The following TRPM3 variants were observed in gnomAD, a reference collection of about 807,000 sequenced individuals.
TRPM3 encodes transient receptor potential cation channel subfamily M member 3.
Under a neutral mutation model 181.2 loss-of-function variants are expected in TRPM3, and 77 were observed. That is an observed-to-expected ratio of 0.42 (90% CI 0.35 to 0.51). The LOEUF is 0.51. TRPM3 is among the 20% of genes least tolerant of loss of function. TRPM3 has a pLI of 0.01. For missense variants in TRPM3, 1,759 were observed against 2,196.7 expected (o/e 0.80, Z 3.98); for synonymous variants, 745 against 796.4 (o/e 0.94, Z 1.09).
chr9:71,190,375 T>C (rs2077941973), intron 1 of TRPM3, among the ~76,000 whole-genome samples: 1 of 151,936 alleles, frequency 6.6e-6, no homozygotes, highest in Non-Finnish European at 1.5e-5. Flanking sequence ...AATACTAGCC[T>C]TTTTTATATC....
At chr9:70,667,226 G>A (rs1045098405) in intron 9 of TRPM3, among the ~76,000 whole-genome samples, 23 of 152,066 alleles carry the variant, frequency 1.5e-4, no homozygotes, top group African/African-American at 5.3e-4. Context: ...GAGAACATAA[G>A]TGGAAATGAT....
intron 1 of TRPM3, among the ~76,000 whole-genome samples, chr9:71,146,269 C>T (rs997324469): frequency 9.2e-5 from 14 of 152,072 alleles, no homozygotes; most frequent in East Asian, 1.9e-4. Flanking sequence ...TTCGAATCAC[C>T]GTGGTGCCGT....
At chr9:71,106,169 T>C (rs1199519180) in intron 1 of TRPM3, among the ~76,000 whole-genome samples, 3 of 152,198 alleles carry the variant, frequency 2.0e-5, no homozygotes, top group Non-Finnish European at 4.4e-5. Context: ...TGGTATTTAT[T>C]CAGGACACAT....
chr9:70,846,666 T>C (rs1475391838), intron 3 of TRPM3, 75 bp from the exon 4 acceptor site: 5 of 1,245,256 alleles, frequency 4.0e-6, no homozygotes, highest in Non-Finnish European at 4.7e-6. Context: ...CTGATTGCAA[T>C]TATATGTGTA....
chr9:70,546,844 G>C (rs879458862), intron 25 of TRPM3, among the ~76,000 whole-genome samples: 4 of 152,062 alleles, frequency 2.6e-5, no homozygotes, highest in Non-Finnish European at 5.9e-5. Context: ...GATGCATCAG[G>C]GTCATTGCTA....
At chr9:71,176,759 T>A (rs1456236924) in intron 1 of TRPM3, among the ~76,000 whole-genome samples, 3 of 152,146 alleles carry the variant, frequency 2.0e-5, no homozygotes, top group African/African-American at 7.2e-5. Flanking sequence ...ATTTTTAATC[T>A]TGGATACAGG....
intron 1 of TRPM3, among the ~76,000 whole-genome samples, chr9:71,151,571 T>C (rs986335376): frequency 1.4e-3 from 219 of 152,184 alleles, no homozygotes; most frequent in African/African-American, 5.0e-3. Context: ...AAAAAACATG[T>C]TGACCCAAGG....
chr9:71,260,878 C>T (rs561528033), intron 1 of TRPM3, among the ~76,000 whole-genome samples: 1 of 152,170 alleles, frequency 6.6e-6, no homozygotes, highest in African/African-American at 2.4e-5. Context: ...TTATCTCTTT[C>T]TCTTGCCTGA....
intron 1 of TRPM3, among the ~76,000 whole-genome samples, chr9:71,158,058 A>T (rs888952967): frequency 2.6e-5 from 4 of 152,188 alleles, no homozygotes; most frequent in African/African-American, 9.6e-5. Context: ...AATATTGTAC[A>T]GTAAGACATA....
upstream of TRPM3, among the ~76,000 whole-genome samples, chr9:71,124,845 C>T (rs770183418): frequency 8.5e-5 from 13 of 152,132 alleles, no homozygotes; most frequent in Non-Finnish European, 8.8e-5. Flanking sequence ...ACACAGTGAC[C>T]AGGTAGTACA....
chr9:71,405,427 AT>A, intron 1 of TRPM3, among the ~76,000 whole-genome samples: 1 of 152,322 alleles, frequency 6.6e-6, no homozygotes, highest in Non-Finnish European at 1.5e-5. Context: ...TCCAGAAGAT[AT>A]TTTTAATACC....
chr9:70,821,132 TA>T (rs1317633734), intron 6 of TRPM3, among the ~76,000 whole-genome samples: 1 of 145,164 alleles, frequency 6.9e-6, no homozygotes, highest in African/African-American at 2.8e-5. Context: ...AAAGAATTGT[TA>T]AAAAATTCTT....
chr9:70,793,455 CAAA>C (rs71507012), intron 6 of TRPM3: 1,116 of 107,044 alleles, frequency 0.01, 12 homozygotes, highest in East Asian at 0.069. Flanking sequence ...GGCTTTGTCT[CAAA>C]AAAAAAAAAA....
intron 1 of TRPM3, among the ~76,000 whole-genome samples, chr9:70,990,880 A>G (rs2097476496): frequency 6.6e-6 from 1 of 152,194 alleles, no homozygotes; most frequent in South Asian, 2.1e-4. Flanking sequence ...TGAAGCTTGC[A>G]TACTCAAAGT....
intron 1 of TRPM3, among the ~76,000 whole-genome samples, chr9:71,295,159 G>A (rs978237262): frequency 6.6e-6 from 1 of 152,028 alleles, no homozygotes; most frequent in Admixed American, 6.6e-5. Flanking sequence ...ATGCATAACT[G>A]TATGAGCAAT....
intron 7 of TRPM3, among the ~76,000 whole-genome samples, chr9:70,783,301 T>C (rs1200896157): frequency 1.3e-5 from 2 of 152,214 alleles, no homozygotes; most frequent in Non-Finnish European, 2.9e-5. Flanking sequence ...GTTAGGGGAA[T>C]TGATTGGATT....
intron 18 of TRPM3, among the ~76,000 whole-genome samples, 181 bp downstream of exon 18, chr9:70,615,727 C>CTA (rs2062686154): frequency 6.6e-6 from 1 of 152,228 alleles, no homozygotes; most frequent in Non-Finnish European, 1.5e-5. Flanking sequence ...TATGGTCATG[C>CTA]TATTTACACT....
intron 1 of TRPM3, among the ~76,000 whole-genome samples, chr9:71,096,590 A>ACACACACTCTCTCTCTCTCTCTCT (rs1452142664): frequency 1.6e-4 from 14 of 90,040 alleles, no homozygotes; most frequent in African/African-American, 7.2e-4. Context: ...ACACACACAC[A>ACACACACTCTCTCTCTCTCTCTCT]CTCTCTCTCT....
chr9:71,390,422 T>C (rs1223536132), intron 1 of TRPM3, among the ~76,000 whole-genome samples: 1 of 152,050 alleles, frequency 6.6e-6, no homozygotes, highest in East Asian at 1.9e-4. Flanking sequence ...ATTCTCCAAA[T>C]TTCAGCATTA....
Sources: allele counts gnomAD v4.1 joint callset (sites outside exome capture counted in the v4.1 genomes callset), GRCh38; gene constraint gnomAD v4.1.1; transcripts MANE v1.5; gene names NCBI Gene and HGNC (gene_info 2026-07-23, HGNC 2026-07-21).